CTNNA3: variants seen among roughly 807,000 people sequenced by gnomAD.
CTNNA3 encodes the protein catenin alpha-3.
A neutral mutation model predicts 95.7 loss-of-function variants in CTNNA3; 76 were observed. The observed-to-expected ratio is 0.79, with a 90% CI of 0.66 to 0.96. The LOEUF is 0.96. Among genes scored for constraint, CTNNA3 ranks in the 40% least tolerant of loss-of-function variants. The pLI is 0.00. For synonymous variants in CTNNA3, 431 were observed against 374.4 expected (o/e 1.15, Z -1.74); for missense variants, 1,191 against 1,089.8 (o/e 1.09, Z -1.31).
chr10:66,760,687 A>G (rs4311951), intron 9 of CTNNA3, among the ~76,000 whole-genome samples: 131,405 of 152,112 alleles, frequency 0.86, 57,139 homozygotes, highest in East Asian at 1. Flanking sequence ...GACCGTAAGT[A>G]GAAAATTTAT....
chr10:66,507,814 C>G (rs577849786), intron 11 of CTNNA3, among the ~76,000 whole-genome samples: 2 of 152,170 alleles, frequency 1.3e-5, no homozygotes, highest in East Asian at 3.9e-4. Flanking sequence ...ATAAACATGG[C>G]AGTACAGATA....
Position 66,760,745 on chromosome 10 carries a change from G to A in CTNNA3, c.1281+5519C>T, listed in dbSNP as rs891123394. 1.3e-4 allele frequency among the ~76,000 whole-genome samples: 20 copies of A among 152,122 alleles called. 1 individual carries two copies. The highest frequency in any genetic ancestry group is 2.6e-4 in the Non-Finnish European group (18 of 68,026). The stretch of plus-strand genomic sequence containing the variant: ...AAGGAACTCACCGTGCATTTGGTTA[G>A]GCTTTTAAAGGTCATGTTCAGCCAC... On this transcript the variant is annotated intron_variant, in intron 9 of 17. Coordinates refer to ENST00000433211, the MANE Select transcript of CTNNA3 (RefSeq NM_013266.4).
At chr10:66,814,534 G>A (rs1004522724) in intron 7 of CTNNA3, among the ~76,000 whole-genome samples, 5 of 152,152 alleles carry the variant, frequency 3.3e-5, no homozygotes, top group Non-Finnish European at 7.4e-5. Flanking sequence ...GCCAAGGCAA[G>A]CAGATCACTT....
chr10:65,952,645 A>G (rs2133212678), intron 17 of CTNNA3, among the ~76,000 whole-genome samples: 1 of 152,342 alleles, frequency 6.6e-6, no homozygotes, highest in South Asian at 2.1e-4. Context: ...TAACAAAGCA[A>G]ACACATTAAC....
At chr10:67,629,837 C>G (rs1169880761) in intron 2 of CTNNA3, among the ~76,000 whole-genome samples, 1 of 152,124 alleles carries the variant, frequency 6.6e-6, no homozygotes, top group Non-Finnish European at 1.5e-5. Context: ...TTTGTGAATC[C>G]AAACCTGAAA....
At chr10:66,938,093 T>C (rs536391215) in intron 7 of CTNNA3, among the ~76,000 whole-genome samples, 2 of 152,220 alleles carry the variant, frequency 1.3e-5, no homozygotes, top group Non-Finnish European at 2.9e-5. Context: ...TTGCAAACAA[T>C]CTACAGTAAA....
intron 5 of CTNNA3, among the ~76,000 whole-genome samples, chr10:67,377,395 T>C (rs1045574652): frequency 2.0e-5 from 3 of 152,206 alleles, no homozygotes; most frequent in African/African-American, 7.2e-5. Flanking sequence ...CCTAGGTCTT[T>C]TCAGTTTAGC....
chr10:66,473,805 G>A (rs1251310008), intron 11 of CTNNA3, among the ~76,000 whole-genome samples: 1 of 151,960 alleles, frequency 6.6e-6, no homozygotes. Flanking sequence ...TGAGAATGAT[G>A]GTTTCCAGCT....
chr10:67,725,757 A>C (rs1841206802), intron 1 of CTNNA3, among the ~76,000 whole-genome samples: 1 of 151,468 alleles, frequency 6.6e-6, no homozygotes, highest in African/African-American at 2.4e-5. Context: ...GGTTGGTTCT[A>C]GAAAAGGCAA....
At chr10:66,955,350 A>T (rs1589485986) in intron 7 of CTNNA3, among the ~76,000 whole-genome samples, 1 of 152,300 alleles carries the variant, frequency 6.6e-6, no homozygotes, top group East Asian at 1.9e-4. Flanking sequence ...CTCACTATGT[A>T]CCAAGCCCAG....
intron 11 of CTNNA3, among the ~76,000 whole-genome samples, chr10:66,492,557 C>T (rs12219981): frequency 0.082 from 12,422 of 151,786 alleles, 1,195 homozygotes; most frequent in East Asian, 0.32. Context: ...TTGTGGAAGT[C>T]TGTTGAAGTT....
intron 7 of CTNNA3, chr10:67,097,500 G>C: frequency 8.5e-7 from 1 of 1,174,274 alleles, no homozygotes; most frequent in Non-Finnish European, 1.2e-6. Context: ...ATGGAGGTTA[G>C]TCAGGTCAGC....
rs1841027821 is a variant in CTNNA3 at position 66,520,637 on chromosome 10, T to C, written c.1511A>G (p.Asp504Gly). 1.2e-6 allele frequency: 2 copies of C among 1,607,802 alleles called. No individual in the cohort carries two copies. The highest frequency in any genetic ancestry group is 2.7e-5 in the African/African-American group (2 of 74,528). The change falls in exon 11 of 18, where the codon GAT (aspartate) becomes GGT (glycine). Residue 504 changes from aspartate to glycine, a missense_variant. Physicochemically the swap from Asp to Gly is moderately conservative, Grantham distance 94 (BLOSUM62 -1). Transcript: ENST00000433211. The part of the protein sequence containing the change: ...TEAVDDITSI[D>G]DFLAVSESHI... The stretch of plus-strand genomic sequence containing the variant: ...CATACCAGATACAGCAAGGAAGTCA[T>C]CAATGCTTGTAATGTCATCTACGGC...
intron 14 of CTNNA3, among the ~76,000 whole-genome samples, chr10:66,090,582 A>C (rs897376593): frequency 3.3e-5 from 5 of 152,036 alleles, no homozygotes; most frequent in African/African-American, 1.2e-4. Context: ...TAAGTGGCAA[A>C]GTCTGATTCA....
At chr10:66,028,489 G>A (rs7474626) in intron 15 of CTNNA3, among the ~76,000 whole-genome samples, 69,066 of 151,574 alleles carry the variant, frequency 0.46, 15,869 homozygotes, top group Admixed American at 0.55. Flanking sequence ...GCAAACTATC[G>A]CAAGGACAAA....
At chr10:66,054,324 A>G (rs1347641453) in intron 15 of CTNNA3, among the ~76,000 whole-genome samples, 2 of 152,280 alleles carry the variant, frequency 1.3e-5, no homozygotes, top group East Asian at 1.9e-4. Context: ...CAGTGGCTGC[A>G]CTAATTTGTA....
At chr10:67,494,422 G>A (rs1278246145) in intron 5 of CTNNA3, among the ~76,000 whole-genome samples, 1 of 152,128 alleles carries the variant, frequency 6.6e-6, no homozygotes, top group Non-Finnish European at 1.5e-5. Flanking sequence ...TGTTTCCTGG[G>A]AAAGACTTGT....
chr10:67,136,515 C>T (rs944736179), intron 7 of CTNNA3, among the ~76,000 whole-genome samples: 2 of 151,698 alleles, frequency 1.3e-5, no homozygotes, highest in Admixed American at 6.6e-5. Context: ...AGAATGATTG[C>T]AATATTCTAA....
intron 7 of CTNNA3, among the ~76,000 whole-genome samples, chr10:66,922,733 G>A (rs991395414): frequency 6.6e-6 from 1 of 152,002 alleles, no homozygotes; most frequent in Non-Finnish European, 1.5e-5. Context: ...ATTTTTCCTT[G>A]TCAATCAATA....
Sources: allele counts gnomAD v4.1 joint callset (sites outside exome capture counted in the v4.1 genomes callset), GRCh38; gene constraint gnomAD v4.1.1; transcripts MANE v1.5; gene names NCBI Gene and HGNC (gene_info 2026-07-23, HGNC 2026-07-21).